ACSL1: variants seen among roughly 807,000 people sequenced by gnomAD.
ACSL1 encodes the protein acyl-CoA synthetase long chain family member 1, also known as long-chain-fatty-acid--CoA ligase 1.
A neutral mutation model predicts 98.4 loss-of-function variants in ACSL1; 41 were observed. That is an observed-to-expected ratio of 0.42 (90% CI 0.32 to 0.54). The LOEUF (loss-of-function observed/expected upper bound fraction) is 0.54. Ranked by LOEUF, ACSL1 falls within the 20% of genes least tolerant of loss-of-function variation. The probability of loss-of-function intolerance (pLI) is 0.13; values close to 1 mark genes in which losing one functional copy is unlikely to be tolerated. For synonymous variants in ACSL1, 316 were observed against 322.7 expected, an observed-to-expected ratio of 0.98 and a Z score of 0.22; for missense variants, 734 against 883.1, an observed-to-expected ratio of 0.83 and a Z score of 2.14.
chr4:184,759,391 C>T (rs577911737), intron 18 of ACSL1, among the ~76,000 whole-genome samples: 65 of 152,168 alleles, frequency 4.3e-4, no homozygotes, highest in Non-Finnish European at 7.2e-4. Context: ...ACCATCAGAG[C>T]GAACAGGCAA....
chr4:184,770,228 G>C (rs1247932226), intron 11 of ACSL1, 171 bp downstream of exon 11: 2 of 1,531,642 alleles, frequency 1.3e-6, no homozygotes, highest in Non-Finnish European at 1.8e-6. Flanking sequence ...TTCTCTATAG[G>C]GATGACAGTC....
intron 3 of ACSL1, among the ~76,000 whole-genome samples, chr4:184,786,432 A>ACACACACGCG (rs1767341204): frequency 6.9e-6 from 1 of 144,120 alleles, no homozygotes; most frequent in African/African-American, 2.5e-5. Flanking sequence ...ACACACACAC[A>ACACACACGCG]CACACACACA....
At chr4:184,785,863 C>A (rs895167135) in intron 3 of ACSL1, among the ~76,000 whole-genome samples, 1 of 152,178 alleles carries the variant, frequency 6.6e-6, no homozygotes, top group African/African-American at 2.4e-5. Flanking sequence ...ACAGCAGGTC[C>A]TCAAATAACG....
chr4:184,787,485 A>G (rs1388649855), intron 3 of ACSL1, among the ~76,000 whole-genome samples: 1 of 152,204 alleles, frequency 6.6e-6, no homozygotes, highest in Non-Finnish European at 1.5e-5. Flanking sequence ...TTTTAGAGAA[A>G]AGGTGAAATG....
At chr4:184,786,995 A>G (rs1767494722) in intron 3 of ACSL1, among the ~76,000 whole-genome samples, 1 of 152,064 alleles carries the variant, frequency 6.6e-6, no homozygotes, top group Admixed American at 6.5e-5. Context: ...CCCGGCCAAT[A>G]GGCACTTCTT....
At position 184,817,957 on chromosome 4, in the gene ACSL1, T is replaced by C. The variant is rs1178452693; in HGVS notation, c.-33+7959A>G. On this transcript the variant is annotated intron_variant, in intron 1 of 20. Coordinates refer to ENST00000281455, the MANE Select transcript of ACSL1 (RefSeq NM_001995.5). Reference sequence around the variant, plus strand: ...ACCCTGCCTGAACTCTAGGGAGGTCTTGGCATCGGCAGAGTTTGCCTCTGA... The same window carrying C: ...ACCCTGCCTGAACTCTAGGGAGGTCCTGGCATCGGCAGAGTTTGCCTCTGA... Among the ~76,000 whole-genome samples, 4 of 152,308 alleles carry C rather than the reference T, an allele frequency of 2.6e-5. No individual in the cohort carries two copies. In the East Asian group the frequency reaches 7.7e-4, roughly 29 times the overall value.
At chr4:184,809,958 C>T (rs953344243) in intron 1 of ACSL1, among the ~76,000 whole-genome samples, 1 of 152,180 alleles carries the variant, frequency 6.6e-6, no homozygotes, top group Non-Finnish European at 1.5e-5. Flanking sequence ...TCCTCTTCCA[C>T]TGAAGTTGTT....
At chr4:184,819,140 C>CT (rs10538881) in intron 1 of ACSL1, among the ~76,000 whole-genome samples, 3,350 of 129,794 alleles carry the variant, frequency 0.026, 74 homozygotes, top group Non-Finnish European at 0.038. Flanking sequence ...TTTAGATGTA[C>CT]TTTTTTTTTT....
In ACSL1 at chr4:184,807,330, A is replaced by G. The variant is rs368163401; in HGVS notation, c.-32-3784T>C. On this transcript the variant is annotated intron_variant, in intron 1 of 20. Coordinates refer to ENST00000281455, the MANE Select transcript of ACSL1 (RefSeq NM_001995.5). ...CATGCCGCTGTTTGCCAAAAATATAATTCAATTGGCTTAAAGGCTTAAGGA... is the reference window on the plus strand; with the variant it reads ...CATGCCGCTGTTTGCCAAAAATATAGTTCAATTGGCTTAAAGGCTTAAGGA... Among the ~76,000 whole-genome samples, 170 of 152,342 alleles carry G rather than the reference A, an allele frequency of 1.1e-3. 1 individual carries two copies. Among genetic ancestry groups the G allele is most frequent in the African/African-American group, 3.9e-3 (163 of 41,566 alleles).
intron 1 of ACSL1, among the ~76,000 whole-genome samples, chr4:184,816,160 A>G (rs1373661994): frequency 6.6e-6 from 1 of 152,114 alleles, no homozygotes; most frequent in Non-Finnish European, 1.5e-5. Flanking sequence ...CTAGAAGATA[A>G]TCACAGGCTA....
At chr4:184,762,597 G>A (rs1188671735) in intron 16 of ACSL1, 74 bp from the exon 17 acceptor site, 6 of 1,286,030 alleles carry the variant, frequency 4.7e-6, no homozygotes. Context: ...GTGCATGTGT[G>A]TACGTGTGTG....
Position 184,764,713 on chromosome 4 carries a change from C to T in ACSL1, c.1432+140G>A. 9.6e-6 allele frequency: 7 copies of T among 725,892 alleles called. No individual in the cohort carries two copies. In the South Asian group the frequency reaches 1.2e-4, roughly 12 times the overall value. 45.0% of individuals were successfully genotyped at this position (725,892 alleles called of 1,614,324 possible). A position where few individuals can be genotyped will look rare whatever the true frequency, so the allele number is the denominator to read the frequency against. ...TGCCCTGACTTACAAGAGTGTTTGC[C>T]CCCAGAGCCTAATGATCAGAAACAT... On this transcript the variant is annotated intron_variant, in intron 15 of 20. Coordinates refer to ENST00000281455, the MANE Select transcript of ACSL1 (RefSeq NM_001995.5).
intron 2 of ACSL1, among the ~76,000 whole-genome samples, chr4:184,796,000 T>C (rs1769293685): frequency 6.6e-6 from 1 of 152,224 alleles, no homozygotes; most frequent in Non-Finnish European, 1.5e-5. Context: ...ATATGAAGTA[T>C]TGATCCTGGA....
chr4:184,807,837 C>T (rs1033414227), intron 1 of ACSL1, among the ~76,000 whole-genome samples: 23 of 152,154 alleles, frequency 1.5e-4, no homozygotes, highest in African/African-American at 5.3e-4. Flanking sequence ...TAGTCAAGAA[C>T]GGGACACCAA....
At chr4:184,801,325 T>C (rs1770478866) in intron 2 of ACSL1, among the ~76,000 whole-genome samples, 2 of 152,188 alleles carry the variant, frequency 1.3e-5, no homozygotes, top group Admixed American at 6.5e-5. Flanking sequence ...GTAAACTTTA[T>C]TGGACAAGGA....
At chr4:184,771,169 C>T (rs1764459310) in intron 10 of ACSL1, among the ~76,000 whole-genome samples, 1 of 152,066 alleles carries the variant, frequency 6.6e-6, no homozygotes, top group Admixed American at 6.6e-5. Flanking sequence ...GTGGAAGTCA[C>T]TCCCCATGAC....
At chr4:184,771,796 T>C (rs1252294220) in intron 10 of ACSL1, among the ~76,000 whole-genome samples, 2 of 152,080 alleles carry the variant, frequency 1.3e-5, no homozygotes, top group Non-Finnish European at 1.5e-5. Flanking sequence ...TTAATAATAA[T>C]GTGACAATGG....
chr4:184,811,717 C>A (rs1772137070), intron 1 of ACSL1, among the ~76,000 whole-genome samples: 1 of 151,988 alleles, frequency 6.6e-6, no homozygotes. Context: ...ACGAAACATT[C>A]TGGAACTAGA....
intron 2 of ACSL1, among the ~76,000 whole-genome samples, chr4:184,802,844 T>G (rs1770759735): frequency 6.6e-6 from 1 of 152,194 alleles, no homozygotes; most frequent in East Asian, 1.9e-4. Context: ...TCCGTCAAGT[T>G]CTTACTCCAG....
Sources: gnomAD v4.1 joint callset for allele counts (sites outside exome capture counted in the v4.1 genomes callset) on GRCh38, gnomAD v4.1.1 for gene constraint, MANE v1.5 for transcripts, NCBI Gene and HGNC (gene_info 2026-07-23, HGNC 2026-07-21) for gene names.